The following ZMAT2 variants were observed in gnomAD, a reference collection of about 807,000 sequenced individuals.
ZMAT2 encodes zinc finger matrin-type 2, also known as zinc finger matrin-type protein 2.
Under a neutral mutation model 27.5 loss-of-function variants are expected in ZMAT2, and 5 were observed. The observed-to-expected ratio is 0.18, with a 90% CI of 0.10 to 0.38. The LOEUF is 0.38. Ranked by LOEUF, ZMAT2 falls within the 10% of genes least tolerant of loss-of-function variation. The pLI, the probability that ZMAT2 is intolerant of heterozygous loss-of-function variation, is 1.00. For synonymous variants in ZMAT2, 76 were observed against 78.6 expected, an observed-to-expected ratio of 0.97 and a Z score of 0.17; for missense variants, 124 against 243.9, an observed-to-expected ratio of 0.51 and a Z score of 3.27.
intron 1 of ZMAT2, 91 bp downstream of exon 1, chr5:140,700,569 C>T: frequency 6.3e-7 from 1 of 1,596,174 alleles, no homozygotes; most frequent in East Asian, 2.2e-5. Flanking sequence ...CGACTGGCTT[C>T]CCGATATCTC....
At chr5:140,704,651 A>C in intron 5 of ZMAT2, 80 bp downstream of exon 5, 1 of 1,452,892 alleles carries the variant, frequency 6.9e-7, no homozygotes, top group South Asian at 1.3e-5. Context: ...TCCTCATCCC[A>C]CTCCTACTCC....
At chr5:140,704,753 C>T (rs1440406300) in intron 5 of ZMAT2, among the ~76,000 whole-genome samples, 182 bp downstream of exon 5, 1 of 150,380 alleles carries the variant, frequency 6.6e-6, no homozygotes, top group Non-Finnish European at 1.5e-5. Context: ...GGAAATGGCT[C>T]TGAAACTACT....
intron 5 of ZMAT2, among the ~76,000 whole-genome samples, chr5:140,704,790 A>ATTT (rs58877117): frequency 1.7e-5 from 2 of 120,556 alleles, no homozygotes; most frequent in African/African-American, 6.3e-5. Context: ...TCTGGGCCTT[A>ATTT]TTTTTTTTTT....
chr5:140,703,020 A>T (rs1477131147), intron 3 of ZMAT2, among the ~76,000 whole-genome samples: 1 of 152,138 alleles, frequency 6.6e-6, no homozygotes, highest in African/African-American at 2.4e-5. Context: ...CACCACTCAC[A>T]GTTTCTTTGG....
intron 3 of ZMAT2, among the ~76,000 whole-genome samples, chr5:140,703,656 T>G (rs553289972): frequency 1.3e-5 from 2 of 152,322 alleles, no homozygotes; most frequent in Admixed American, 6.5e-5. Flanking sequence ...GATACTACTT[T>G]TGACATATTC....
chr5:140,703,873 A>T (rs1444544028), intron 3 of ZMAT2, 45 bp from the exon 4 acceptor site: 8 of 1,571,842 alleles, frequency 5.1e-6, no homozygotes, highest in Non-Finnish European at 7.0e-6. Context: ...AAATGATAAG[A>T]TCCTTAAAAC....
rs574315266 is a variant in ZMAT2, at chr5:140,700,735, C to T, written c.19-84C>T. ...CTTTGCTTTCAAAACGTCCTGTAGA[C>T]ACCTGGACCGCGAGGGCGCGGTTCC... is the stretch of plus-strand genomic sequence containing the variant. On this transcript the variant is annotated intron_variant, in intron 1 of 5. Coordinates refer to ENST00000274712, the MANE Select transcript of ZMAT2 (RefSeq NM_144723.3). 7 of 1,486,816 alleles carry T rather than the reference C, an allele frequency of 4.7e-6. No individual in the cohort carries two copies. The East Asian group carries it at 9.0e-5, about 19-fold the overall frequency. 92.1% of individuals were successfully genotyped at this position (1,486,816 alleles called of 1,614,324 possible).
intron 5 of ZMAT2, 106 bp from the exon 6 acceptor site, chr5:140,705,507 C>A: frequency 7.4e-7 from 1 of 1,358,926 alleles, no homozygotes; most frequent in Non-Finnish European, 9.9e-7. Flanking sequence ...ATGAAGTACT[C>A]AGAGCAATTT....
At chr5:140,704,903 A>G (rs1378187437) in intron 5 of ZMAT2, among the ~76,000 whole-genome samples, 1 of 151,588 alleles carries the variant, frequency 6.6e-6, no homozygotes, top group African/African-American at 2.4e-5. Context: ...TAAAAATATC[A>G]TAAGTCAAAA....
intron 2 of ZMAT2, among the ~76,000 whole-genome samples, chr5:140,701,719 A>G (rs753782043): frequency 2.6e-5 from 4 of 152,232 alleles, no homozygotes; most frequent in Non-Finnish European, 5.9e-5. Flanking sequence ...TGCTTCTAGT[A>G]ATTCTTCAGA....
At position 140,706,439 on chromosome 5, in the gene ZMAT2, G is replaced by GT. The variant is rs1480160394; in HGVS notation, c.*689dup. The GT allele has an allele frequency of 5.9e-5, 9 of 152,590 alleles. No homozygotes were observed. Among genetic ancestry groups the GT allele is most frequent in the Non-Finnish European group, 8.8e-5 (6 of 68,028 alleles). 9.5% of individuals were successfully genotyped at this position (152,590 alleles called of 1,614,324 possible). A position where few individuals can be genotyped will look rare whatever the true frequency, so the allele number is the denominator to read the frequency against. On this transcript the variant is annotated 3_prime_UTR_variant, in exon 6 of 6. Coordinates refer to ENST00000274712, the MANE Select transcript of ZMAT2 (RefSeq NM_144723.3). The stretch of plus-strand genomic sequence containing the variant: ...GTTTGGTGTGGTTTGTGTCTGATGA[G>GT]TTTTTTAACATTCAGGTGTAGATTG...
rs749523013 is a variant in ZMAT2, at chr5:140,701,957, G to A, written c.113-49G>A. 70 of 1,548,528 alleles carry A rather than the reference G, an allele frequency of 4.5e-5. 2 individuals carry two copies. In the South Asian group the frequency reaches 8.3e-4, roughly 18 times the overall value. On this transcript the variant is annotated intron_variant, in intron 2 of 5. Transcript: ENST00000274712. ...TTTCATGCATTTTTTTTCCTTTCTG[G>A]TTGAGGAACTATAATATTGAAGGGA...
Position 140,706,619 on chromosome 5 carries a change from G to A in ZMAT2, c.*863G>A, listed in dbSNP as rs1760061026. On this transcript the variant is annotated 3_prime_UTR_variant, in exon 6 of 6. Coordinates refer to ENST00000274712, the MANE Select transcript of ZMAT2 (RefSeq NM_144723.3). ...TTATGGGAGCCCGTCGGTCTTAGAAGCTGTTTGACATGTATAATAAATGGC... is the reference window on the plus strand; with the variant it reads ...TTATGGGAGCCCGTCGGTCTTAGAAACTGTTTGACATGTATAATAAATGGC... 6.6e-6 allele frequency: 1 copy of A among 152,626 alleles called. No homozygotes were observed. Among genetic ancestry groups the A allele is most frequent in the African/African-American group, 2.4e-5 (1 of 41,450 alleles). 9.5% of individuals were successfully genotyped at this position (152,626 alleles called of 1,614,324 possible).
intron 3 of ZMAT2, 128 bp downstream of exon 3, chr5:140,702,257 T>C: frequency 1.6e-6 from 2 of 1,225,180 alleles, no homozygotes; most frequent in Non-Finnish European, 1.1e-6. Flanking sequence ...TAATTCTATC[T>C]TTATATTTGT....
rs1760060647 is a variant in ZMAT2, at chr5:140,706,604, C to CT, written c.*848_*849insT. Reference sequence around the variant, plus strand: ...ATCCCCAAAACCTTATTATGGGAGCCCGTCGGTCTTAGAAGCTGTTTGACA... The same window carrying CT: ...ATCCCCAAAACCTTATTATGGGAGCCTCGTCGGTCTTAGAAGCTGTTTGACA... On this transcript the variant is annotated 3_prime_UTR_variant, in exon 6 of 6. Transcript: ENST00000274712. 6.6e-6 allele frequency: 1 copy of CT among 152,612 alleles called. No homozygotes were observed. The highest frequency in any genetic ancestry group is 2.1e-4 in the South Asian group (1 of 4,830). 9.5% of individuals were successfully genotyped at this position (152,612 alleles called of 1,614,324 possible). A position where few individuals can be genotyped will look rare whatever the true frequency, so the allele number is the denominator to read the frequency against.
intron 4 of ZMAT2, 78 bp downstream of exon 4, chr5:140,704,069 T>C (rs2149861900): frequency 7.4e-7 from 1 of 1,344,340 alleles, no homozygotes; most frequent in East Asian, 2.3e-5. Context: ...GTAGCTTTTT[T>C]TTTCTTCTTT....
Position 140,705,793 on chromosome 5 carries a change from GA to G in ZMAT2, c.*38del. 3.7e-6 allele frequency: 6 copies of G among 1,605,784 alleles called. No individual in the cohort carries two copies. The highest frequency in any genetic ancestry group is 5.1e-6 in the Non-Finnish European group (6 of 1,176,348). On this transcript the variant is annotated 3_prime_UTR_variant, in exon 6 of 6. Transcript: ENST00000274712. ...CTTGGCCTGACTTTGGCCTATGCTGGACCTAACTTTGCGTGTGTGTGTGTGT... is the reference window on the plus strand; with the variant it reads ...CTTGGCCTGACTTTGGCCTATGCTGGCCTAACTTTGCGTGTGTGTGTGTGT...
intron 3 of ZMAT2, among the ~76,000 whole-genome samples, chr5:140,703,241 CTTT>C (rs34233013): frequency 7.2e-6 from 1 of 138,734 alleles, no homozygotes; most frequent in Non-Finnish European, 1.6e-5. Flanking sequence ...TTTTTCTTTT[CTTT>C]TTTTTTTTTT....
Position 140,704,400 on chromosome 5 carries a change from C to A in ZMAT2, c.311-26C>A, listed in dbSNP as rs201719500. 3.8e-6 allele frequency: 6 copies of A among 1,587,706 alleles called. No homozygotes were observed. In the South Asian group the frequency reaches 6.9e-5, roughly 18 times the overall value. Reference sequence around the variant, plus strand: ...GGCTGAGGATGTTGTAATGAACTTGCCTTCTTCACTGTTGACCCTATGCAG... The same window carrying A: ...GGCTGAGGATGTTGTAATGAACTTGACTTCTTCACTGTTGACCCTATGCAG... On this transcript the variant is annotated intron_variant, in intron 4 of 5. Coordinates refer to ENST00000274712, the MANE Select transcript of ZMAT2 (RefSeq NM_144723.3).
Sources: allele counts gnomAD v4.1 joint callset (sites outside exome capture counted in the v4.1 genomes callset), GRCh38; gene constraint gnomAD v4.1.1; transcripts MANE v1.5; gene names NCBI Gene and HGNC (gene_info 2026-07-23, HGNC 2026-07-21).